Variants in CNTN4 observed in about 807,000 individuals in gnomAD.
CNTN4 encodes contactin-4.
Under a neutral mutation model 122.5 loss-of-function variants are expected in CNTN4, and 77 were observed. That is an observed-to-expected ratio of 0.63 (90% confidence interval 0.52 to 0.76). CNTN4 has a LOEUF of 0.76. Ranked by LOEUF, CNTN4 falls within the 30% of genes least tolerant of loss-of-function variation. CNTN4 has a pLI of 0.00. For synonymous variants in CNTN4, 512 were observed against 447.0 expected (o/e 1.15, Z -1.83); for missense variants, 1,256 against 1,259.1 (o/e 1.00, Z 0.04).
At chr3:2,752,410 G>C (rs760321707) in intron 6 of CNTN4, among the ~76,000 whole-genome samples, 42 of 152,144 alleles carry the variant, frequency 2.8e-4, no homozygotes, top group Non-Finnish European at 5.6e-4. Flanking sequence ...CTGTCACCCA[G>C]GCTGCAGTGC....
chr3:2,304,559 C>T (rs564371391), intron 2 of CNTN4, among the ~76,000 whole-genome samples: 1 of 152,094 alleles, frequency 6.6e-6, no homozygotes, highest in African/African-American at 2.4e-5. Context: ...AACATCTTTT[C>T]GCTTGAGTTC....
At chr3:2,544,925 T>A (rs1195741923) in intron 3 of CNTN4, among the ~76,000 whole-genome samples, 1 of 152,072 alleles carries the variant, frequency 6.6e-6, no homozygotes, top group Non-Finnish European at 1.5e-5. Flanking sequence ...TTGTGGTTAG[T>A]TTGTTCTTTG....
chr3:2,961,097 A>G (rs190659680), intron 13 of CNTN4, among the ~76,000 whole-genome samples: 33,657 of 113,268 alleles, frequency 0.3, 5,458 homozygotes, highest in East Asian at 0.53. Context: ...GGGCGTGGTG[A>G]TGGGCGCCTG....
At chr3:2,654,025 T>C (rs34833809) in intron 4 of CNTN4, among the ~76,000 whole-genome samples, 19,992 of 152,230 alleles carry the variant, frequency 0.13, 1,379 homozygotes, top group Admixed American at 0.2. Context: ...CTTTGTTTTG[T>C]TGCCCTTGGT....
At chr3:2,162,478 G>A (rs965444861) in intron 2 of CNTN4, among the ~76,000 whole-genome samples, 3 of 152,154 alleles carry the variant, frequency 2.0e-5, no homozygotes, top group Non-Finnish European at 4.4e-5. Flanking sequence ...TAATATAGGA[G>A]GGAAAACTGT....
intron 3 of CNTN4, among the ~76,000 whole-genome samples, chr3:2,359,329 T>C (rs901658765): frequency 9.9e-5 from 15 of 152,128 alleles, no homozygotes; most frequent in African/African-American, 3.6e-4. Context: ...ACATACATTA[T>C]ATATATAGTG....
At chr3:2,337,744 C>G (rs372292309) in intron 2 of CNTN4, among the ~76,000 whole-genome samples, 1 of 151,810 alleles carries the variant, frequency 6.6e-6, no homozygotes, top group Non-Finnish European at 1.5e-5. Flanking sequence ...TAATCTCTAC[C>G]TTCTTTCTGT....
intron 6 of CNTN4, among the ~76,000 whole-genome samples, chr3:2,752,937 A>G (rs1328145361): frequency 1.3e-5 from 2 of 152,222 alleles, no homozygotes; most frequent in Non-Finnish European, 2.9e-5. Flanking sequence ...CCACGGTGCC[A>G]TAAATGACAG....
chr3:2,571,058 C>CT lies in CNTN4; in HGVS notation c.-88-349dup, dbSNP rs35585419. 9.9e-5 allele frequency among the ~76,000 whole-genome samples: 15 copies of CT among 151,690 alleles called. No homozygotes were observed. The South Asian group carries it at 1.7e-3, about 17-fold the overall frequency. ...TTGTTCTGTGGCAGTTCTGTATTTG[C>CT]TTTTTTTTTAACTAATTGGAAAATA... On this transcript the variant is annotated intron_variant, in intron 3 of 24. Transcript: ENST00000418658.
At chr3:2,905,450 T>C (rs1413450474) in intron 12 of CNTN4, among the ~76,000 whole-genome samples, 1 of 152,194 alleles carries the variant, frequency 6.6e-6, no homozygotes, top group African/African-American at 2.4e-5. Context: ...TGAGGGTCTC[T>C]TGGGCCTCTT....
At chr3:2,726,283 G>A (rs1018622065) in intron 4 of CNTN4, among the ~76,000 whole-genome samples, 20 of 152,050 alleles carry the variant, frequency 1.3e-4, no homozygotes, top group Non-Finnish European at 5.9e-5. Flanking sequence ...CCCATGCATG[G>A]GAACCAATTT....
intron 13 of CNTN4, among the ~76,000 whole-genome samples, chr3:2,926,727 G>T (rs1291518472): frequency 6.6e-6 from 1 of 152,192 alleles, no homozygotes; most frequent in East Asian, 1.9e-4. Context: ...GATGATGATG[G>T]TGTTGTCCAT....
chr3:2,450,881 T>TA (rs2048804417), intron 3 of CNTN4, among the ~76,000 whole-genome samples: 1 of 152,206 alleles, frequency 6.6e-6, no homozygotes, highest in Non-Finnish European at 1.5e-5. Context: ...CCTCTCTGCT[T>TA]ACCATAGGCA....
chr3:2,707,889 G>A (rs998074790), intron 4 of CNTN4, among the ~76,000 whole-genome samples: 3 of 152,146 alleles, frequency 2.0e-5, no homozygotes, highest in African/African-American at 7.2e-5. Flanking sequence ...GAGTAAGGTA[G>A]CAAATATTTA....
intron 3 of CNTN4, among the ~76,000 whole-genome samples, chr3:2,419,921 C>T (rs1214831417): frequency 1.3e-5 from 2 of 152,104 alleles, no homozygotes; most frequent in Non-Finnish European, 1.5e-5. Flanking sequence ...TTTATAATTA[C>T]TCTGCTTGAT....
chr3:2,711,457 A>G (rs930923348), intron 4 of CNTN4, among the ~76,000 whole-genome samples: 1 of 152,218 alleles, frequency 6.6e-6, no homozygotes, highest in Admixed American at 6.5e-5. Flanking sequence ...GTATTTTTGG[A>G]GTCAGAGTTT....
intron 23 of CNTN4, among the ~76,000 whole-genome samples, chr3:3,045,673 T>C (rs574035460): frequency 1.3e-5 from 2 of 151,976 alleles, no homozygotes; most frequent in Admixed American, 6.5e-5. Context: ...ACCACAGATA[T>C]GGGGAAAAAA....
At chr3:2,384,983 C>G (rs533086410) in intron 3 of CNTN4, among the ~76,000 whole-genome samples, 1 of 152,052 alleles carries the variant, frequency 6.6e-6, no homozygotes, top group African/African-American at 2.4e-5. Flanking sequence ...GCTTGAAAGT[C>G]ATTGTTGGTT....
chr3:2,788,255 G>A (rs1396961407), intron 6 of CNTN4, among the ~76,000 whole-genome samples: 1 of 152,132 alleles, frequency 6.6e-6, no homozygotes, highest in Non-Finnish European at 1.5e-5. Flanking sequence ...GCACCCAAGG[G>A]AAATGGATTT....
Sources: allele counts gnomAD v4.1 joint callset (sites outside exome capture counted in the v4.1 genomes callset), GRCh38; gene constraint gnomAD v4.1.1; transcripts MANE v1.5; gene names NCBI Gene and HGNC (gene_info 2026-07-23, HGNC 2026-07-21).